TCOF1: variants seen among roughly 807,000 people sequenced by gnomAD.
TCOF1 encodes the protein treacle protein.
In TCOF1, 33 loss-of-function variants were observed where a neutral mutation model predicts 149.0. The ratio of observed to expected loss-of-function variants is 0.22; its 90% CI spans 0.17 to 0.30. The LOEUF is 0.30. Ranked by LOEUF, TCOF1 falls within the 10% of genes least tolerant of loss-of-function variation. The probability of loss-of-function intolerance (pLI) is 1.00; values close to 1 mark genes in which losing one functional copy is unlikely to be tolerated. For synonymous variants in TCOF1, 789 were observed against 738.8 expected (o/e 1.07, Z -1.10); for missense variants, 1,728 against 1,840.7 (o/e 0.94, Z 1.12).
chr5:150,379,647 A>G lies in TCOF1; in HGVS notation c.2774A>G (p.Gln925Arg), dbSNP rs1410480317. Residue 925 changes from glutamine (Q) to arginine (R), a missense_variant, in exon 17 of 27, where the codon CAG becomes CGG. Physicochemically the swap from Gln to Arg is conservative, Grantham distance 43 (BLOSUM62 1). Around this residue, in one of 2 missense-constraint regions of TCOF1, gnomAD observed 1,696 missense variants for 1,765.4 expected, o/e 0.96. Transcript: ENST00000643257. ...PPGKTGPSAA[Q>R]AGKQDDSGSS... is the part of the protein sequence containing the mutation. ...GGGAAGACAGGGCCTTCGGCTGCCC[A>G]GGCAGGGAAGCAGGATGACTCAGGG... 2.5e-6 allele frequency: 4 copies of G among 1,614,198 alleles called. No homozygotes were observed. Among genetic ancestry groups the G allele is most frequent in the Non-Finnish European group, 3.4e-6 (4 of 1,180,048 alleles).
intron 1 of TCOF1, among the ~76,000 whole-genome samples, chr5:150,360,667 T>G (rs1759841769): frequency 6.6e-6 from 1 of 152,030 alleles, no homozygotes; most frequent in African/African-American, 2.4e-5. Context: ...TCTTCTTGTC[T>G]CTGGAAGGTT....
chr5:150,385,473 G>C (rs1766086964), intron 17 of TCOF1, among the ~76,000 whole-genome samples: 1 of 152,154 alleles, frequency 6.6e-6, no homozygotes, highest in Non-Finnish European at 1.5e-5. Flanking sequence ...GGACCTTGAG[G>C]CTCCAGGCCA....
Position 150,389,986 on chromosome 5 carries a change from T to C in TCOF1, c.3146T>C (p.Ile1049Thr). Residue 1049 changes from isoleucine (I) to threonine (T), a missense_variant, in exon 19 of 27, where the codon ATA becomes ACA. Around this residue, in one of 2 missense-constraint regions of TCOF1, gnomAD observed 1,696 missense variants for 1,765.4 expected, o/e 0.96. Coordinates refer to ENST00000643257, the MANE Select transcript of TCOF1 (RefSeq NM_001371623.1). ...GASSSKESSR[I>T]SDGKKQEGPA... The stretch of plus-strand genomic sequence containing the variant: ...AGCAGCAGCAAGGAGTCCAGTCGGA[T>C]ATCAGATGGCAAGAAACAGGAGGGA... The C allele has an allele frequency of 1.9e-6, 3 of 1,613,810 alleles. No individual in the cohort carries two copies. Among genetic ancestry groups the C allele is most frequent in the Non-Finnish European group, 2.5e-6 (3 of 1,179,918 alleles).
chr5:150,376,649 C>T (rs1259031182), intron 14 of TCOF1, 29 bp downstream of exon 14: 1 of 1,549,052 alleles, frequency 6.5e-7, no homozygotes, highest in Non-Finnish European at 8.7e-7. Flanking sequence ...AGGCCCATCC[C>T]ACCCACACCT....
intron 17 of TCOF1, chr5:150,383,597 G>A (rs1765675281): frequency 1.1e-6 from 1 of 886,150 alleles, no homozygotes; most frequent in South Asian, 1.5e-5. Context: ...GAAGGGCAGG[G>A]AGTGTTGCCC....
At position 150,374,650 on chromosome 5, in the gene TCOF1, G is replaced by A; in HGVS notation, c.1117G>A (p.Ala373Thr). 6.2e-7 allele frequency: 1 copy of A among 1,613,778 alleles called. No individual in the cohort carries two copies. The highest frequency in any genetic ancestry group is 8.5e-7 in the Non-Finnish European group (1 of 1,179,988). The change falls in exon 9 of 27, where the codon GCT (alanine) becomes ACT (threonine). Residue 373 changes from alanine to threonine, a missense_variant. This residue lies in a region of TCOF1 where 1,696 missense variants were observed against 1,765.4 expected (regional missense o/e 0.96). Coordinates refer to ENST00000643257, the MANE Select transcript of TCOF1 (RefSeq NM_001371623.1). ...KASGKTSQVG[A>T]ASAPAKESPR... ...CTCAGGAAAAACCTCTCAGGTCGGA[G>A]CTGCCTCAGCCCCTGCCAAGGAGTC...
chr5:150,393,547 A>G lies in TCOF1; in HGVS notation c.3779A>G (p.Lys1260Arg). 6.2e-7 allele frequency: 1 copy of G among 1,614,098 alleles called. No individual in the cohort carries two copies. The highest frequency in any genetic ancestry group is 8.5e-7 in the Non-Finnish European group (1 of 1,180,008). ...CAGGCAGCAGGCATGTTGTCCCCTA[A>G]AACAGGTAAGTTAAGGTCTGCAGGA... ...PQQAAGMLSPKTGGKEAASGT... is the reference protein window; with the variant it reads ...PQQAAGMLSPRTGGKEAASGT... Residue 1260 changes from lysine (K) to arginine (R), a missense_variant, in exon 23 of 27, where the codon AAA becomes AGA. By Grantham distance (26) the Lys-to-Arg change is conservative. Coordinates refer to ENST00000643257, the MANE Select transcript of TCOF1 (RefSeq NM_001371623.1).
chr5:150,358,406 G>A (rs535600929), intron 1 of TCOF1, among the ~76,000 whole-genome samples: 1 of 152,268 alleles, frequency 6.6e-6, no homozygotes, highest in South Asian at 2.1e-4. Flanking sequence ...CTGTTAATCC[G>A]GTACTCAGGG....
rs760564202 is a variant in TCOF1, at chr5:150,364,212, G to C, written c.264G>C (p.Ser88=). 12 of 1,614,158 alleles carry C rather than the reference G, an allele frequency of 7.4e-6. No homozygotes were observed. In the African/African-American group the frequency reaches 1.1e-4, roughly 14 times the overall value. The change falls in exon 3 of 27, where the codon TCG becomes TCC. Residue 88 remains serine, a synonymous_variant. Coordinates refer to ENST00000643257, the MANE Select transcript of TCOF1 (RefSeq NM_001371623.1). ...VSDPISTSES[S]EEEEEAEAET... is the part of the protein sequence containing the mutation. ...ACCCCATCAGCACCTCGGAGAGCTC[G>C]GAAGAGGAGGAAGAAGCAGAAGCCG...
intron 1 of TCOF1, among the ~76,000 whole-genome samples, chr5:150,360,258 C>A (rs1321212241): frequency 1.3e-5 from 2 of 152,212 alleles, no homozygotes. Context: ...CATTGCTTAG[C>A]CTCATTAGAG....
rs1758940531 is a variant in TCOF1, at chr5:150,357,753, G to C, written c.7G>C (p.Glu3Gln). 2 of 1,548,916 alleles carry C rather than the reference G, an allele frequency of 1.3e-6. No individual in the cohort carries two copies. The highest frequency in any genetic ancestry group is 1.7e-6 in the Non-Finnish European group (2 of 1,146,474). The change falls in exon 1 of 27, where the codon GAG becomes CAG. Residue 3 changes from glutamate (E) to glutamine (Q), a missense_variant. Transcript: ENST00000643257. Reference sequence around the variant, plus strand: ...CCGGCCGGGGGTCGCGGGTATGGCCGAGGCCAGGAAGCGGCGGGAGCTACT... The same window carrying C: ...CCGGCCGGGGGTCGCGGGTATGGCCCAGGCCAGGAAGCGGCGGGAGCTACT... MA[E>Q]ARKRRELLPL...
intron 20 of TCOF1, 67 bp from the exon 21 acceptor site, chr5:150,391,890 T>C (rs1767514743): frequency 1.3e-6 from 2 of 1,505,852 alleles, no homozygotes; most frequent in African/African-American, 1.4e-5. Flanking sequence ...TACTGAAGTG[T>C]TCAGGAAGGA....
chr5:150,358,201 C>T (rs765658227), intron 1 of TCOF1, among the ~76,000 whole-genome samples: 7 of 151,998 alleles, frequency 4.6e-5, no homozygotes, highest in African/African-American at 7.3e-5. Flanking sequence ...TCTGCGCGGC[C>T]CCCCCTGGGG....
At chr5:150,393,217 C>T in intron 22 of TCOF1, 155 bp from the exon 23 acceptor site, 8 of 838,088 alleles carry the variant, frequency 9.5e-6, no homozygotes, top group East Asian at 7.8e-5. Context: ...GGCTGAAGTG[C>T]TGCTCTGTGC....
At chr5:150,395,613 G>C (rs556207626) in intron 23 of TCOF1, among the ~76,000 whole-genome samples, 3 of 151,844 alleles carry the variant, frequency 2.0e-5, no homozygotes, top group South Asian at 2.1e-4. Context: ...CTAAACAAAG[G>C]CTGCACCAGA....
intron 18 of TCOF1, among the ~76,000 whole-genome samples, chr5:150,388,759 G>A (rs538023130): frequency 1.3e-5 from 2 of 152,108 alleles, no homozygotes; most frequent in South Asian, 2.1e-4. Context: ...GTAACATGGC[G>A]AAACCCCGTC....
At chr5:150,364,955 A>C (rs572096602) in intron 3 of TCOF1, 1 of 152,664 alleles carries the variant, frequency 6.6e-6, no homozygotes, top group African/African-American at 2.4e-5. Flanking sequence ...CCTGAGCTCA[A>C]GTGATCCTCC....
chr5:150,370,643 G>A (rs549911127), intron 6 of TCOF1, among the ~76,000 whole-genome samples: 13 of 152,100 alleles, frequency 8.5e-5, no homozygotes, highest in Admixed American at 7.2e-4. Flanking sequence ...GGCATGAGCC[G>A]CCACGCCTGG....
intron 22 of TCOF1, 151 bp downstream of exon 22, chr5:150,392,941 T>C: frequency 1.1e-6 from 1 of 936,318 alleles, no homozygotes; most frequent in Non-Finnish European, 1.7e-6. Flanking sequence ...GCACCACGTG[T>C]GGCCCAGCCA....
Sources: gnomAD v4.1 joint callset for allele counts (sites outside exome capture counted in the v4.1 genomes callset) on GRCh38, gnomAD v4.1.1 for gene constraint, gnomAD v4.1.1 regional missense constraint, MANE v1.5 for transcripts, NCBI Gene and HGNC (gene_info 2026-07-23, HGNC 2026-07-21) for gene names.